SPATA20: variants seen among roughly 807,000 people sequenced by gnomAD.
SPATA20 encodes spermatogenesis associated 20.
Under a neutral mutation model 98.9 loss-of-function variants are expected in SPATA20, and 74 were observed. The ratio of observed to expected loss-of-function variants is 0.75; its 90% CI spans 0.62 to 0.91. The LOEUF (loss-of-function observed/expected upper bound fraction) is 0.91, where lower values mean the gene tolerates loss of function less well. SPATA20 is among the 40% of genes least tolerant of loss of function. The pLI is 0.00. For synonymous variants in SPATA20, 430 were observed against 440.5 expected (o/e 0.98, Z 0.30); for missense variants, 1,016 against 1,069.8 (o/e 0.95, Z 0.70).
chr17:50,548,977 C>G lies in SPATA20; in HGVS notation c.516+13C>G. 1.9e-6 allele frequency: 3 copies of G among 1,614,100 alleles called. No individual in the cohort carries two copies. Among genetic ancestry groups the G allele is most frequent in the Non-Finnish European group, 2.5e-6 (3 of 1,180,002 alleles). On this transcript the variant is annotated intron_variant, in intron 5 of 16. Transcript: ENST00000006658. ...GACGTTCGTGCAGGTGAGCAGCCCT[C>G]CTCGGGAGTGTATGCGCCACATGGG...
rs200714428 is a variant in SPATA20 at position 50,548,507 on chromosome 17, C to T, written c.297-47C>T. The T allele has an allele frequency of 1.0e-4, 161 of 1,613,374 alleles. No individual in the cohort carries two copies. In the African/African-American group the frequency reaches 1.7e-3, roughly 17 times the overall value. On this transcript the variant is annotated intron_variant, in intron 3 of 16. Coordinates refer to ENST00000006658, the MANE Select transcript of SPATA20 (RefSeq NM_022827.4). ...GAATCGCTGGGGTCCTGGGCCCCTC[C>T]CAGACCCCCTGGGCTACTGAGTGAT...
intron 14 of SPATA20, among the ~76,000 whole-genome samples, chr17:50,553,050 G>A (rs1017426371): frequency 2.0e-4 from 30 of 152,344 alleles, no homozygotes; most frequent in African/African-American, 6.3e-4. Flanking sequence ...ATGCAGTAAT[G>A]ATGCAAAAAC....
Position 50,549,191 on chromosome 17 carries a change from G to C in SPATA20, c.660+5G>C. ...TTGCTGAGAATACGAGAACAGGTGG[G>C]TGTGCCTCCGGGAGTTGGGGGACCA... On this transcript the variant is annotated splice_donor_5th_base_variant and intron_variant, in intron 6 of 16. Coordinates refer to ENST00000006658, the MANE Select transcript of SPATA20 (RefSeq NM_022827.4). 6.3e-7 allele frequency: 1 copy of C among 1,593,382 alleles called. No individual in the cohort carries two copies.
chr17:50,550,580 G>A lies in SPATA20; in HGVS notation c.1143G>A (p.Leu381=). Residue 381 remains leucine (L), a synonymous_variant, in exon 10 of 17, where the codon CTG becomes CTA. Coordinates refer to ENST00000006658, the MANE Select transcript of SPATA20 (RefSeq NM_022827.4). ...ACTCTGACGTGGCCAAAGGCATCCT[G>A]CAGTACGTGGCTCGGAGCCTGAGCC... ...EFYSDVAKGI[L]QYVARSLSHR... is the part of the protein sequence containing the mutation. 2 of 1,614,168 alleles carry A rather than the reference G, an allele frequency of 1.2e-6. No homozygotes were observed. Among genetic ancestry groups the A allele is most frequent in the South Asian group, 2.2e-5 (2 of 91,086 alleles).
At chr17:50,550,337 A>G in intron 9 of SPATA20, 25 bp downstream of exon 9, 1 of 1,538,562 alleles carries the variant, frequency 6.5e-7, no homozygotes, top group East Asian at 2.3e-5. Context: ...CAGCCCAGAG[A>G]ACAGGCATCT....
intron 2 of SPATA20, 161 bp downstream of exon 2, chr17:50,547,928 G>C (rs996869562): frequency 1.0e-5 from 15 of 1,498,818 alleles, no homozygotes; most frequent in Non-Finnish European, 1.3e-5. Flanking sequence ...CCTCCAAGCA[G>C]CTGCTCCAGG....
chr17:50,554,175 G>A (rs903441544), intron 14 of SPATA20, 76 bp from the exon 15 acceptor site: 7 of 1,404,470 alleles, frequency 5.0e-6, no homozygotes, highest in Admixed American at 1.8e-5. Context: ...AGTGGCCCTG[G>A]ATACAGTCCT....
At chr17:50,554,545 TC>T in intron 15 of SPATA20, 95 bp downstream of exon 15, 1 of 1,295,736 alleles carries the variant, frequency 7.7e-7, no homozygotes, top group African/African-American at 1.4e-5. Context: ...TCCTGGGCTG[TC>T]CCCAGAGCTC....
intron 14 of SPATA20, among the ~76,000 whole-genome samples, chr17:50,553,727 G>A (rs2035051392): frequency 6.6e-6 from 1 of 152,136 alleles, no homozygotes; most frequent in Non-Finnish European, 1.5e-5. Context: ...TGGTTTTAAG[G>A]AGGTCACTCT....
At chr17:50,554,575 G>A in intron 15 of SPATA20, 125 bp downstream of exon 15, 1 of 948,900 alleles carries the variant, frequency 1.1e-6, no homozygotes, top group Non-Finnish European at 1.6e-6. Flanking sequence ...GTGTGTGCAG[G>A]CACGTGGCCT....
intron 15 of SPATA20, among the ~76,000 whole-genome samples, chr17:50,554,928 T>A (rs982380110): frequency 7.9e-6 from 1 of 126,378 alleles, no homozygotes; most frequent in Non-Finnish European, 1.6e-5. Context: ...TGTGTGTGTG[T>A]GACTACTCTG....
chr17:50,555,554 T>A lies in SPATA20; in HGVS notation c.2301T>A (p.Ser767Arg), dbSNP rs563307070. ...SFLSRQLPFL[S>R]TLRRLEDQAT... ...TGTCCCGCCAGCTGCCTTTCCTGAGTACCCTCCGACGGTTGGAAGACCAGG... is the reference window on the plus strand; with the variant it reads ...TGTCCCGCCAGCTGCCTTTCCTGAGAACCCTCCGACGGTTGGAAGACCAGG... Residue 767 changes from serine (S) to arginine (R), a missense_variant, in exon 17 of 17, where the codon AGT (serine) becomes AGA (arginine). Coordinates refer to ENST00000006658, the MANE Select transcript of SPATA20 (RefSeq NM_022827.4). The A allele has an allele frequency of 6.2e-7, 1 of 1,614,016 alleles. No individual in the cohort carries two copies. The highest frequency in any genetic ancestry group is 1.3e-5 in the African/African-American group (1 of 74,988).
chr17:50,550,141 A>AG, intron 8 of SPATA20, 26 bp downstream of exon 8: 1 of 1,611,574 alleles, frequency 6.2e-7, no homozygotes, highest in South Asian at 1.1e-5. Flanking sequence ...TGTTCCCTGG[A>AG]GGGGCAGCAG....
In SPATA20 at chr17:50,549,371, AC is replaced by A. The variant is rs746915581; in HGVS notation, c.748del (p.Arg250AlafsTer10). Reference sequence around the variant, plus strand: ...GCCCGATCAGAGATCAGCGTGGGTGACCGCCAGCTGCCGCCCTCTGCCGCCA... The same window carrying A: ...GCCCGATCAGAGATCAGCGTGGGTGACGCCAGCTGCCGCCCTCTGCCGCCA... Reference protein sequence around the residue: ...LLARSEISVGDRQLPPSAATV... With the variant: ...LLARSEISVGXRQLPPSAATV... On this transcript the variant is annotated frameshift_variant, in exon 7 of 17. Coordinates refer to ENST00000006658, the MANE Select transcript of SPATA20 (RefSeq NM_022827.4). LOFTEE classifies it high-confidence loss of function. 5 of 1,612,380 alleles carry A rather than the reference AC, an allele frequency of 3.1e-6. No homozygotes were observed. In the African/African-American group the frequency reaches 6.7e-5, roughly 22 times the overall value.
Position 50,551,047 on chromosome 17 carries a change from C to T in SPATA20, c.1433C>T (p.Ser478Leu), listed in dbSNP as rs147951599. The T allele has an allele frequency of 1.6e-4, 264 of 1,613,442 alleles. 2 individuals are homozygous for T. In the Middle Eastern group the frequency reaches 3.8e-3, roughly 23 times the overall value. Residue 478 changes from serine (S) to leucine (L), a missense_variant, in exon 12 of 17, where the codon TCG becomes TTG. Coordinates refer to ENST00000006658, the MANE Select transcript of SPATA20 (RefSeq NM_022827.4). ...CAGAATGTGCTGACCGTCCGGTACT[C>T]GCTGGAGCTGACTGCTGCCCGCTTT... ...QGQNVLTVRY[S>L]LELTAARFGL...
chr17:50,554,194 T>G, intron 14 of SPATA20, 57 bp from the exon 15 acceptor site: 1 of 1,523,188 alleles, frequency 6.6e-7, no homozygotes. Flanking sequence ...CTGGGCAGGG[T>G]CCTGGGACTC....
In SPATA20 at chr17:50,554,453, G is replaced by T. The variant is rs182096575; in HGVS notation, c.2157+3G>T. ...CCCAGCAGCAGACCCTCAAGCAGGTGGGGGGTGAGGGCATCTGGGCTGGGA... is the reference window on the plus strand; with the variant it reads ...CCCAGCAGCAGACCCTCAAGCAGGTTGGGGGTGAGGGCATCTGGGCTGGGA... On this transcript the variant is annotated splice_donor_region_variant and intron_variant, in intron 15 of 16. Coordinates refer to ENST00000006658, the MANE Select transcript of SPATA20 (RefSeq NM_022827.4). The T allele has an allele frequency of 7.5e-6, 12 of 1,609,094 alleles. No homozygotes were observed. The highest frequency in any genetic ancestry group is 5.0e-5 in the Admixed American group (3 of 60,022).
chr17:50,551,709 G>T, intron 13 of SPATA20, 30 bp downstream of exon 13: 1 of 1,574,354 alleles, frequency 6.4e-7, no homozygotes, highest in Non-Finnish European at 8.7e-7. Flanking sequence ...GGGAGGGCCC[G>T]TCTCCCCAAC....
At position 50,555,250 on chromosome 17, in the gene SPATA20, C is replaced by T. The variant is rs754114169; in HGVS notation, c.2176C>T (p.Arg726Cys). ...TLKQIVICGD[R>C]QAKDTKALVQ... is the part of the protein sequence containing the mutation. The stretch of plus-strand genomic sequence containing the variant: ...CGGTCAGATCGTGATCTGTGGAGAC[C>T]GTCAGGCCAAGGACACCAAGGCCCT... Residue 726 changes from arginine to cysteine, a missense_variant, in exon 16 of 17, where the codon CGT (arginine) becomes TGT (cysteine). Physicochemically the swap from Arg to Cys is radical, Grantham distance 180. Coordinates refer to ENST00000006658, the MANE Select transcript of SPATA20 (RefSeq NM_022827.4). The T allele has an allele frequency of 9.9e-6, 16 of 1,613,764 alleles. No homozygotes were observed. Among genetic ancestry groups the T allele is most frequent in the South Asian group, 3.3e-5 (3 of 91,068 alleles).
Sources: allele counts gnomAD v4.1 joint callset (sites outside exome capture counted in the v4.1 genomes callset), GRCh38; gene constraint gnomAD v4.1.1; transcripts MANE v1.5; gene names NCBI Gene and HGNC (gene_info 2026-07-23, HGNC 2026-07-21).